MYT1L: variants seen among roughly 807,000 people sequenced by gnomAD.
The protein encoded by MYT1L is myelin transcription factor 1 like, also known as myelin transcription factor 1-like protein.
Under a neutral mutation model 126.7 loss-of-function variants are expected in MYT1L, and 12 were observed. That is an observed-to-expected ratio of 0.09 (90% CI 0.06 to 0.15). The LOEUF (loss-of-function observed/expected upper bound fraction) is 0.15, where lower values mean the gene tolerates loss of function less well. Among genes scored for constraint, MYT1L ranks in the 10% least tolerant of loss-of-function variants. The pLI, the probability that MYT1L is intolerant of heterozygous loss-of-function variation, is 1.00. For missense variants in MYT1L, 979 were observed against 1,585.2 expected, an observed-to-expected ratio of 0.62 and a Z score of 6.49; for synonymous variants, 541 against 604.2, an observed-to-expected ratio of 0.90 and a Z score of 1.53.
Position 1,979,692 on chromosome 2 carries a change from G to A in MYT1L, c.55+31C>T, listed in dbSNP as rs565649173. The A allele has an allele frequency of 2.2e-5, 36 of 1,613,078 alleles. No homozygotes were observed. Among genetic ancestry groups the A allele is most frequent in the African/African-American group, 2.7e-5 (2 of 74,906 alleles). On this transcript the variant is annotated intron_variant, in intron 6 of 24. Coordinates refer to ENST00000647738, the MANE Select transcript of MYT1L (RefSeq NM_001303052.2). The surrounding 1 kb of genome is among the most constrained non-coding windows in gnomAD (Gnocchi z 4.0). ...CGCAGGATGAAGGTGACCCTGAGCC[G>A]GCCTCAGGATGCAGGGAAGCGCGGA...
intron 3 of MYT1L, among the ~76,000 whole-genome samples, chr2:2,118,510 C>T (rs1038359309): frequency 3.9e-4 from 59 of 152,254 alleles, no homozygotes; most frequent in African/African-American, 1.3e-3. Flanking sequence ...TCAGATATCC[C>T]ATAGCCATAA....
intron 2 of MYT1L, among the ~76,000 whole-genome samples, chr2:2,195,350 A>G (rs1325301561): frequency 1.3e-5 from 2 of 152,262 alleles, no homozygotes; most frequent in African/African-American, 4.8e-5. Flanking sequence ...AGGAAGAAGG[A>G]TAAACTGAAA....
intron 3 of MYT1L, among the ~76,000 whole-genome samples, chr2:2,069,229 G>A (rs897231512): frequency 2.0e-5 from 3 of 152,014 alleles, no homozygotes; most frequent in African/African-American, 4.8e-5. Flanking sequence ...CCTAGCCCCC[G>A]ACACCCTGAC....
intron 22 of MYT1L, among the ~76,000 whole-genome samples, chr2:1,808,133 C>G (rs1238135955): frequency 6.6e-6 from 1 of 152,194 alleles, no homozygotes; most frequent in Non-Finnish European, 1.5e-5. Context: ...AATCCTCTTT[C>G]CTTTATAAAT....
rs543614278 is a variant in MYT1L, at chr2:1,850,113, C to T, written c.2774+1528G>A. On this transcript the variant is annotated intron_variant, in intron 19 of 24. Coordinates refer to ENST00000647738, the MANE Select transcript of MYT1L (RefSeq NM_001303052.2). ...ATCTCCCTCTCTCCTTCCCTTCCCT[C>T]GCTCCCTTCCCTCCTGCCCCTCCCT... Among the ~76,000 whole-genome samples the T allele has an allele frequency of 8.6e-5, 13 of 151,416 alleles. No individual in the cohort carries two copies. The South Asian group carries it at 1.3e-3, about 15-fold the overall frequency.
intron 3 of MYT1L, among the ~76,000 whole-genome samples, chr2:2,104,012 G>A (rs74378982): frequency 0.028 from 4,255 of 152,306 alleles, 82 homozygotes; most frequent in South Asian, 0.088. Context: ...GGGGCTCTCA[G>A]TAGCATTTGT....
intron 2 of MYT1L, among the ~76,000 whole-genome samples, chr2:2,270,580 GAGCAATGAAAAAATTACAGCCAATCCA>G (rs1239327135): frequency 7.2e-5 from 11 of 152,016 alleles, no homozygotes; most frequent in East Asian, 1.9e-4. Context: ...CAGCCAATCC[GAGCAATGAAAAAATTACAGCCAATCCA>G]AGCAATGAAA....
intron 2 of MYT1L, among the ~76,000 whole-genome samples, chr2:2,202,157 C>T (rs1411544894): frequency 1.3e-5 from 2 of 151,868 alleles, no homozygotes; most frequent in Admixed American, 6.6e-5. Flanking sequence ...TAAATGCCCA[C>T]AAGAGAAAGC....
intron 3 of MYT1L, among the ~76,000 whole-genome samples, chr2:2,057,982 A>G (rs2568727): frequency 0.93 from 141,106 of 152,228 alleles, 66,180 homozygotes; most frequent in East Asian, 1. Context: ...TGGGTCATAC[A>G]GCAATTACAT....
At chr2:2,323,392 G>T (rs1335700725) in intron 1 of MYT1L, among the ~76,000 whole-genome samples, 2 of 152,088 alleles carry the variant, frequency 1.3e-5, no homozygotes, top group Admixed American at 6.6e-5. Context: ...TAAAAAGACA[G>T]TTAAAGAATA....
chr2:1,881,533 T>G (rs948782828), intron 18 of MYT1L, among the ~76,000 whole-genome samples: 12 of 152,238 alleles, frequency 7.9e-5, no homozygotes, highest in African/African-American at 2.7e-4. Context: ...TGTAGGATTT[T>G]TTTTGTAAAT....
intron 2 of MYT1L, among the ~76,000 whole-genome samples, chr2:2,275,411 C>T (rs1417885026): frequency 6.6e-6 from 1 of 152,118 alleles, no homozygotes; most frequent in Non-Finnish European, 1.5e-5. Context: ...GCACTAGGAG[C>T]TACTTCTGGT....
At position 1,862,909 on chromosome 2, in the gene MYT1L, G is replaced by A. The variant is rs117155664; in HGVS notation, c.2712-11206C>T. 5.3e-4 allele frequency among the ~76,000 whole-genome samples: 81 copies of A among 152,298 alleles called. No individual in the cohort carries two copies. In the East Asian group the frequency reaches 0.015, roughly 29 times the overall value. ...AAGATGGGAGAAGAAGGAGAAAGGA[G>A]GAGGAGAGGAGAGGAGGAGCTGCTG... On this transcript the variant is annotated intron_variant, in intron 18 of 24. Coordinates refer to ENST00000647738, the MANE Select transcript of MYT1L (RefSeq NM_001303052.2).
At chr2:2,204,193 A>T (rs1306923424) in intron 2 of MYT1L, among the ~76,000 whole-genome samples, 1 of 152,244 alleles carries the variant, frequency 6.6e-6, no homozygotes, top group Non-Finnish European at 1.5e-5. Flanking sequence ...TTCAGGACAT[A>T]GGCATGGGCA....
chr2:2,249,112 A>G (rs2149203520), intron 2 of MYT1L, among the ~76,000 whole-genome samples: 1 of 152,270 alleles, frequency 6.6e-6, no homozygotes, highest in South Asian at 2.1e-4. Flanking sequence ...TTATATTTGG[A>G]AAAAAACTAA....
intron 3 of MYT1L, among the ~76,000 whole-genome samples, chr2:2,082,998 C>A (rs2150329533): frequency 6.6e-6 from 1 of 152,266 alleles, no homozygotes; most frequent in South Asian, 2.1e-4. Flanking sequence ...GGAAGGGATA[C>A]TGTGATTCCT....
chr2:1,956,592 C>A lies in MYT1L; in HGVS notation c.153-13258G>T, dbSNP rs529013010. Reference sequence around the variant, plus strand: ...TTTCCTATTCTATCTATCTATCTATCTATCTATCTATCTATCTATCTATCT... The same window carrying A: ...TTTCCTATTCTATCTATCTATCTATATATCTATCTATCTATCTATCTATCT... On this transcript the variant is annotated intron_variant, in intron 8 of 24. Coordinates refer to ENST00000647738, the MANE Select transcript of MYT1L (RefSeq NM_001303052.2). 3.9e-4 allele frequency among the ~76,000 whole-genome samples: 56 copies of A among 145,150 alleles called. 1 individual carries two copies. The highest frequency in any genetic ancestry group is 2.6e-3 in the South Asian group (12 of 4,634).
chr2:1,798,106 T>C (rs566089726), intron 23 of MYT1L, among the ~76,000 whole-genome samples: 12 of 31,110 alleles, frequency 3.9e-4, no homozygotes, highest in African/African-American at 1.1e-3. Flanking sequence ...GCGGTCTCCC[T>C]CTTCTCCGGC....
intron 14 of MYT1L, among the ~76,000 whole-genome samples, chr2:1,896,668 C>T (rs2148909236): frequency 6.6e-6 from 1 of 152,236 alleles, no homozygotes; most frequent in South Asian, 2.1e-4. Flanking sequence ...AACATGGGAA[C>T]AATCGACACT....
Sources: allele counts gnomAD v4.1 joint callset (sites outside exome capture counted in the v4.1 genomes callset), GRCh38; gene constraint gnomAD v4.1.1; non-coding constraint Gnocchi (gnomAD v3.1); transcripts MANE v1.5; gene names NCBI Gene and HGNC (gene_info 2026-07-23, HGNC 2026-07-21).